Variants in MTCH2 observed in about 807,000 individuals in gnomAD.
MTCH2 encodes mitochondrial carrier 2.
MTCH2 carries 25 observed loss-of-function variants against 50.6 expected under a neutral mutation model. The observed-to-expected ratio is 0.49, with a 90% CI of 0.36 to 0.69. MTCH2 has a LOEUF of 0.69. Among genes scored for constraint, MTCH2 ranks in the 30% least tolerant of loss-of-function variants. The pLI is 0.00. For missense variants in MTCH2, 273 were observed against 384.4 expected (o/e 0.71, Z 2.42); for synonymous variants, 106 against 132.0 (o/e 0.80, Z 1.35).
chr11:47,631,711 T>C lies in MTCH2; in HGVS notation c.370A>G (p.Thr124Ala). 1 of 1,614,022 alleles carries C rather than the reference T, an allele frequency of 6.2e-7. No individual in the cohort carries two copies. The highest frequency in any genetic ancestry group is 1.1e-5 in the South Asian group (1 of 91,078). The stretch of plus-strand genomic sequence containing the variant: ...GAACGAGCGATCATCTCTCGAGTTG[T>C]CTAGAAACAATCAACACACACTTCT... ...SSSFDHVIKE[T>A]TREMIARSAA... is the part of the protein sequence containing the mutation. Residue 124 changes from threonine (T) to alanine (A), a missense_variant and splice_region_variant, in exon 6 of 13, where the codon ACA becomes GCA. Physicochemically the swap from Thr to Ala is moderately conservative, Grantham distance 58. Around this residue, in one of 2 missense-constraint regions of MTCH2, gnomAD observed 203 missense variants for 244.3 expected, o/e 0.83. Transcript: ENST00000302503.
intron 4 of MTCH2, among the ~76,000 whole-genome samples, chr11:47,635,167 G>A (rs973459113): frequency 6.6e-6 from 1 of 152,134 alleles, no homozygotes; most frequent in East Asian, 1.9e-4. Flanking sequence ...CAGTCTTGAC[G>A]TCCTGGACTC....
intron 1 of MTCH2, among the ~76,000 whole-genome samples, chr11:47,640,655 A>G (rs552911036): frequency 5.9e-5 from 9 of 152,100 alleles, no homozygotes; most frequent in Non-Finnish European, 1.2e-4. Context: ...ACCTCAGGTG[A>G]ACCGCCTGTT....
chr11:47,625,300 G>A (rs984661942), intron 11 of MTCH2, among the ~76,000 whole-genome samples: 4 of 151,496 alleles, frequency 2.6e-5, no homozygotes, highest in Non-Finnish European at 5.9e-5. Context: ...GCGAATGCCT[G>A]TAATCCCAGC....
intron 12 of MTCH2, among the ~76,000 whole-genome samples, chr11:47,621,848 G>A (rs1210997166): frequency 6.6e-6 from 1 of 151,914 alleles, no homozygotes; most frequent in Non-Finnish European, 1.5e-5. Context: ...CTATAGGCAT[G>A]AGCCACCATA....
downstream of MTCH2, among the ~76,000 whole-genome samples, chr11:47,613,438 G>A (rs1598825720): frequency 6.6e-6 from 1 of 150,778 alleles, no homozygotes; most frequent in East Asian, 1.9e-4. Flanking sequence ...CATTCTGCAA[G>A]GATGTTTTAG....
At chr11:47,624,439 G>C (rs1344137315) in intron 11 of MTCH2, among the ~76,000 whole-genome samples, 3 of 152,046 alleles carry the variant, frequency 2.0e-5, no homozygotes, top group South Asian at 2.1e-4. Context: ...AGGAAAAACA[G>C]GTATGGATTG....
intron 8 of MTCH2, 113 bp from the exon 9 acceptor site, chr11:47,629,159 G>T: frequency 1.1e-6 from 1 of 900,334 alleles, no homozygotes; most frequent in Non-Finnish European, 1.7e-6. Flanking sequence ...TTCTAGGGAA[G>T]TAAAAAAGGA....
At chr11:47,638,660 G>A in intron 3 of MTCH2, 39 bp downstream of exon 3, 5 of 1,267,884 alleles carry the variant, frequency 3.9e-6, no homozygotes, top group Non-Finnish European at 5.2e-6. Flanking sequence ...TAACAGGTAA[G>A]CAACATCTAT....
chr11:47,607,426 T>G, the MTCH2 span, among the ~76,000 whole-genome samples: 82 of 152,280 alleles, frequency 5.4e-4, no homozygotes, highest in Non-Finnish European at 4.9e-4. Context: ...TAGAAAACAG[T>G]CCAGCTCTGA....
downstream of MTCH2, among the ~76,000 whole-genome samples, chr11:47,616,979 C>T (rs886378878): frequency 2.6e-5 from 4 of 152,238 alleles, no homozygotes; most frequent in Admixed American, 6.5e-5. Flanking sequence ...CCATTGCGCC[C>T]GGTCGCATGT....
At chr11:47,631,816 G>A in intron 5 of MTCH2, 105 bp from the exon 6 acceptor site, 1 of 1,152,132 alleles carries the variant, frequency 8.7e-7, no homozygotes, top group Non-Finnish European at 1.3e-6. Flanking sequence ...GAAAGTGAAT[G>A]ACACAGCCCT....
At chr11:47,605,732 A>AT in the MTCH2 span, among the ~76,000 whole-genome samples, 2 of 152,156 alleles carry the variant, frequency 1.3e-5, no homozygotes, top group African/African-American at 4.8e-5. Flanking sequence ...TCTGAGATCG[A>AT]TATTTTCCTA....
intron 12 of MTCH2, 122 bp from the exon 13 acceptor site, chr11:47,619,041 A>G: frequency 7.5e-6 from 6 of 796,558 alleles, no homozygotes; most frequent in Non-Finnish European, 1.3e-5. Flanking sequence ...TGGGACTATC[A>G]CTACAGAACA....
At chr11:47,631,628 A>T in intron 6 of MTCH2, 26 bp downstream of exon 6, 1 of 1,612,884 alleles carries the variant, frequency 6.2e-7, no homozygotes, top group Non-Finnish European at 8.5e-7. Context: ...TATAAAAGAA[A>T]GGTCAGTTGT....
intron 12 of MTCH2, among the ~76,000 whole-genome samples, chr11:47,621,735 T>C (rs2153798475): frequency 6.7e-6 from 1 of 150,170 alleles, no homozygotes; most frequent in East Asian, 2.0e-4. Flanking sequence ...GCACCTGGCC[T>C]GTAGTTTTTT....
chr11:47,621,267 A>G (rs752934444), intron 12 of MTCH2, among the ~76,000 whole-genome samples: 4 of 152,208 alleles, frequency 2.6e-5, no homozygotes, highest in Non-Finnish European at 5.9e-5. Flanking sequence ...TTTCTCTTAT[A>G]TATCACTAGT....
At chr11:47,619,874 C>T (rs953492720) in intron 12 of MTCH2, among the ~76,000 whole-genome samples, 3 of 151,946 alleles carry the variant, frequency 2.0e-5, no homozygotes, top group Admixed American at 6.6e-5. Flanking sequence ...GTCAGGAGTT[C>T]GAGACCAGCC....
chr11:47,632,030 G>A (rs1018667445), intron 5 of MTCH2, among the ~76,000 whole-genome samples: 1 of 152,068 alleles, frequency 6.6e-6, no homozygotes, highest in African/African-American at 2.4e-5. Context: ...CACCAACAAA[G>A]TCATTAAGCT....
downstream of MTCH2, among the ~76,000 whole-genome samples, chr11:47,616,845 G>A (rs1171525746): frequency 2.0e-5 from 3 of 151,762 alleles, no homozygotes; most frequent in African/African-American, 4.8e-5. Flanking sequence ...CACCATGCCC[G>A]GCTAATTTTG....
Sources: gnomAD v4.1 joint callset for allele counts (sites outside exome capture counted in the v4.1 genomes callset) on GRCh38, gnomAD v4.1.1 for gene constraint, gnomAD v4.1.1 regional missense constraint, MANE v1.5 for transcripts, NCBI Gene and HGNC (gene_info 2026-07-23, HGNC 2026-07-21) for gene names.